The following ZSCAN25 variants were observed in gnomAD, a reference collection of about 807,000 sequenced individuals.
ZSCAN25 encodes zinc finger and SCAN domain-containing protein 25.
In ZSCAN25, 27 loss-of-function variants were observed where a neutral mutation model predicts 38.7. The ratio of observed to expected loss-of-function variants is 0.70; its 90% CI spans 0.51 to 0.96. The LOEUF (loss-of-function observed/expected upper bound fraction) is 0.96, where lower values mean the gene tolerates loss of function less well. Ranked by LOEUF, ZSCAN25 falls within the 40% of genes least tolerant of loss-of-function variation. ZSCAN25 has a pLI of 0.00. For missense variants in ZSCAN25, 637 were observed against 705.9 expected, an observed-to-expected ratio of 0.90 and a Z score of 1.11; for synonymous variants, 273 against 277.7, an observed-to-expected ratio of 0.98 and a Z score of 0.17.
At chr7:99,687,879 G>A in the ZSCAN25 span, among the ~76,000 whole-genome samples, 1 of 152,132 alleles carries the variant, frequency 6.6e-6, no homozygotes, top group South Asian at 2.1e-4. Flanking sequence ...ACATTCTTAA[G>A]GGAAAGAATT....
At chr7:99,619,500 C>A in intron 3 of ZSCAN25, 61 bp from the exon 4 acceptor site, 1 of 1,303,722 alleles carries the variant, frequency 7.7e-7, no homozygotes, top group Non-Finnish European at 1.1e-6. Flanking sequence ...GTGGAATATT[C>A]CTTGATGTAG....
In ZSCAN25 at chr7:99,631,577, T is replaced by G. The variant is rs1807998600; in HGVS notation, c.*1557T>G. On this transcript the variant is annotated 3_prime_UTR_variant, in exon 8 of 8. Transcript: ENST00000394152. ...GTGTCCTATAATTGCAAAATGTGGT[T>G]TGTCTTCTGATGCCTCTTAATACCA... The G allele has an allele frequency of 2.0e-6, 2 of 985,350 alleles. No homozygotes were observed. The highest frequency in any genetic ancestry group is 2.4e-6 in the Non-Finnish European group (2 of 829,942). The allele number at this position is 985,350 out of a possible 1,614,324, so 61.0% of individuals were successfully genotyped here.
At chr7:99,620,107 T>A in intron 4 of ZSCAN25, 114 bp downstream of exon 4, 1 of 1,400,652 alleles carries the variant, frequency 7.1e-7, no homozygotes. Flanking sequence ...CGCCCTCCTC[T>A]GCCCTCAGAC....
chr7:99,731,152 T>C, the ZSCAN25 span: 2 of 1,613,778 alleles, frequency 1.2e-6, no homozygotes, highest in Non-Finnish European at 1.7e-6. Flanking sequence ...GGGTTCCATA[T>C]CTACAAAGTG....
the ZSCAN25 span, chr7:99,647,848 A>G: frequency 1.0e-6 from 1 of 985,308 alleles, no homozygotes; most frequent in Non-Finnish European, 1.2e-6. Flanking sequence ...ATCAGATAAT[A>G]TTTTTGTAAA....
chr7:99,647,497 G>A, the ZSCAN25 span: 1 of 985,402 alleles, frequency 1.0e-6, no homozygotes, highest in African/African-American at 1.7e-5. Flanking sequence ...ACAATTGGGA[G>A]GTGAAGATGG....
chr7:99,632,637 A>G (rs542391544), downstream of ZSCAN25, among the ~76,000 whole-genome samples: 8 of 152,256 alleles, frequency 5.3e-5, no homozygotes, highest in East Asian at 1.2e-3. Flanking sequence ...TCTACAAACA[A>G]ATATTAACTG....
the ZSCAN25 span, among the ~76,000 whole-genome samples, chr7:99,639,270 G>C: frequency 6.6e-5 from 10 of 152,242 alleles, no homozygotes; most frequent in Non-Finnish European, 1.3e-4. Context: ...AGAAGGACTG[G>C]AACTCCATGG....
the ZSCAN25 span, among the ~76,000 whole-genome samples, chr7:99,695,371 T>G: frequency 6.6e-6 from 1 of 152,196 alleles, no homozygotes; most frequent in Non-Finnish European, 1.5e-5. Flanking sequence ...TGTACACAGA[T>G]AGCAAGCCAC....
intron 6 of ZSCAN25, among the ~76,000 whole-genome samples, chr7:99,622,892 C>T (rs554313698): frequency 8.5e-5 from 13 of 152,218 alleles, no homozygotes; most frequent in Non-Finnish European, 1.5e-4. Flanking sequence ...CTGCAGGCTC[C>T]GCCTCCTGGG....
the ZSCAN25 span, chr7:99,652,672 C>G: frequency 6.2e-7 from 1 of 1,614,126 alleles, no homozygotes. Context: ...CAACATCTTT[C>G]TTGCAAGTCC....
the ZSCAN25 span, chr7:99,674,637 C>A: frequency 2.0e-6 from 3 of 1,502,388 alleles, no homozygotes; most frequent in South Asian, 3.5e-5. Context: ...TAGAATAAAC[C>A]CTACCTCTAA....
the ZSCAN25 span, chr7:99,647,860 G>A: frequency 5.1e-6 from 5 of 984,872 alleles, no homozygotes; most frequent in Middle Eastern, 5.2e-4. Flanking sequence ...TTTTGTAAAG[G>A]GGATTTTATC....
At chr7:99,717,573 T>A in the ZSCAN25 span, 26 of 1,613,652 alleles carry the variant, frequency 1.6e-5, no homozygotes, top group Non-Finnish European at 2.1e-5. Flanking sequence ...AATGATCGTA[T>A]TCTCTTCCAT....
At chr7:99,693,173 T>TAAA in the ZSCAN25 span, among the ~76,000 whole-genome samples, 1 of 152,048 alleles carries the variant, frequency 6.6e-6, no homozygotes, top group African/African-American at 2.4e-5. Context: ...TCTTTTGGAG[T>TAAA]TTGCTGGAGG....
the ZSCAN25 span, among the ~76,000 whole-genome samples, chr7:99,722,113 G>A: frequency 6.6e-6 from 1 of 152,180 alleles, no homozygotes; most frequent in Non-Finnish European, 1.5e-5. Context: ...ATGGCACACA[G>A]TTTCCCATTC....
chr7:99,633,526 G>A (rs538274045), downstream of ZSCAN25, among the ~76,000 whole-genome samples: 14 of 152,116 alleles, frequency 9.2e-5, no homozygotes, highest in Non-Finnish European at 1.9e-4. Context: ...TCCTGTAAAG[G>A]CAGTCAAGTC....
At chr7:99,687,736 G>A in the ZSCAN25 span, among the ~76,000 whole-genome samples, 1 of 152,164 alleles carries the variant, frequency 6.6e-6, no homozygotes, top group South Asian at 2.1e-4. Flanking sequence ...CACCAAAGTT[G>A]AAATGAAGGA....
chr7:99,699,016 C>G, the ZSCAN25 span, among the ~76,000 whole-genome samples: 9 of 152,148 alleles, frequency 5.9e-5, no homozygotes, highest in South Asian at 8.3e-4. Flanking sequence ...CTCCACTAAC[C>G]ACAGTGGAAA....
Sources: allele counts gnomAD v4.1 joint callset (sites outside exome capture counted in the v4.1 genomes callset), GRCh38; gene constraint gnomAD v4.1.1; transcripts MANE v1.5; gene names NCBI Gene and HGNC (gene_info 2026-07-23, HGNC 2026-07-21).